The following GRID2 variants were observed in gnomAD, a reference collection of about 807,000 sequenced individuals.
GRID2 encodes the protein glutamate ionotropic receptor delta type subunit 2.
In GRID2, 33 loss-of-function variants were observed where a neutral mutation model predicts 114.8. That is an observed-to-expected ratio of 0.29 (90% CI 0.22 to 0.38). GRID2 has a LOEUF of 0.38. GRID2 is among the 10% of genes least tolerant of loss of function. GRID2 has a pLI of 1.00. For missense variants in GRID2, 1,184 were observed against 1,257.7 expected (o/e 0.94, Z 0.89); for synonymous variants, 505 against 449.9 (o/e 1.12, Z -1.55).
At chr4:93,291,152 C>T (rs945197871) in intron 8 of GRID2, among the ~76,000 whole-genome samples, 2 of 152,016 alleles carry the variant, frequency 1.3e-5, no homozygotes, top group South Asian at 2.1e-4. Flanking sequence ...GGGTTATAGG[C>T]GTAAGCCACC....
chr4:93,058,054 A>G lies in GRID2; in HGVS notation c.245-26941A>G, dbSNP rs1022675555. Among the ~76,000 whole-genome samples, 6 of 150,598 alleles carry G rather than the reference A, an allele frequency of 4.0e-5. No homozygotes were observed. In the East Asian group the frequency reaches 5.9e-4, roughly 15 times the overall value. ...CAGTTTTATTCTTCAATTTTCCCCA[A>G]AATAAAGAAGGATGTTAGTGTGCTT... On this transcript the variant is annotated intron_variant, in intron 2 of 15. Coordinates refer to ENST00000282020, the MANE Select transcript of GRID2 (RefSeq NM_001510.4).
chr4:92,560,584 A>G (rs1371886255), intron 1 of GRID2, among the ~76,000 whole-genome samples: 1 of 152,070 alleles, frequency 6.6e-6, no homozygotes, highest in African/African-American at 2.4e-5. Context: ...ATTGGTCATT[A>G]CCACTGCTGT....
intron 2 of GRID2, among the ~76,000 whole-genome samples, chr4:92,716,533 C>T (rs1411075516): frequency 6.6e-6 from 1 of 152,152 alleles, no homozygotes; most frequent in African/African-American, 2.4e-5. Flanking sequence ...CCTCACTTCC[C>T]CTAATCTCTT....
intron 2 of GRID2, among the ~76,000 whole-genome samples, chr4:92,991,691 G>T (rs1049852533): frequency 6.6e-6 from 1 of 151,986 alleles, no homozygotes; most frequent in Non-Finnish European, 1.5e-5. Context: ...GGATTTTATC[G>T]CTTGCCAAAC....
intron 14 of GRID2, among the ~76,000 whole-genome samples, chr4:93,735,415 T>C (rs1730843408): frequency 6.6e-6 from 1 of 152,010 alleles, no homozygotes; most frequent in Non-Finnish European, 1.5e-5. Context: ...CACATGTAAT[T>C]TTATTTTTTT....
chr4:93,741,176 T>TATATATATATATATATATATATAC (rs1731355247), intron 14 of GRID2, among the ~76,000 whole-genome samples: 14 of 23,422 alleles, frequency 6.0e-4, no homozygotes, highest in Non-Finnish European at 9.1e-4. Flanking sequence ...TATATATACA[T>TATATATATATATATATATATATAC]ATATATATAT....
chr4:92,656,909 A>C (rs1397012172), intron 2 of GRID2, among the ~76,000 whole-genome samples: 1 of 151,786 alleles, frequency 6.6e-6, no homozygotes, highest in Admixed American at 6.6e-5. Context: ...ACATTATGTC[A>C]AAATATGTTC....
chr4:92,347,502 C>T (rs758937224), intron 1 of GRID2, among the ~76,000 whole-genome samples: 3 of 152,124 alleles, frequency 2.0e-5, no homozygotes, highest in Non-Finnish European at 4.4e-5. Context: ...ATGAATAATA[C>T]TTGGCTTGAA....
intron 14 of GRID2, among the ~76,000 whole-genome samples, chr4:93,677,313 G>GGCCT (rs536021203): frequency 0.029 from 4,468 of 151,996 alleles, 100 homozygotes; most frequent in African/African-American, 0.059. Context: ...AGCTCAAGGA[G>GGCCT]GCCTGCCTGC....
At chr4:92,883,973 A>G (rs1746194728) in intron 2 of GRID2, among the ~76,000 whole-genome samples, 1 of 152,172 alleles carries the variant, frequency 6.6e-6, no homozygotes, top group Non-Finnish European at 1.5e-5. Flanking sequence ...CTTCTTTGCA[A>G]GTTTGAAGCC....
chr4:93,764,639 G>A lies in GRID2; in HGVS notation c.2361-4571G>A, dbSNP rs989625051. 3.3e-5 allele frequency among the ~76,000 whole-genome samples: 5 copies of A among 152,080 alleles called. 1 individual carries two copies. In the South Asian group the frequency reaches 1.0e-3, roughly 32 times the overall value. ...TATGCATCACCATGGTGTAAAAATA[G>A]CAGGAATTTTTCTGACTATACTCCA... On this transcript the variant is annotated intron_variant, in intron 14 of 15. Coordinates refer to ENST00000282020, the MANE Select transcript of GRID2 (RefSeq NM_001510.4).
chr4:93,150,898 G>C (rs570080298), intron 4 of GRID2, among the ~76,000 whole-genome samples: 21 of 152,004 alleles, frequency 1.4e-4, no homozygotes, highest in African/African-American at 5.1e-4. Flanking sequence ...AGGCTGAGGT[G>C]GGAGGATCAC....
intron 2 of GRID2, among the ~76,000 whole-genome samples, chr4:92,818,924 A>G (rs1186180079): frequency 2.0e-5 from 3 of 152,062 alleles, no homozygotes; most frequent in Non-Finnish European, 4.4e-5. Context: ...CTTCACAATA[A>G]TTCTATAGCA....
At position 92,852,077 on chromosome 4, in the gene GRID2, A is replaced by G. The variant is rs61541728; in HGVS notation, c.245-232918A>G. ...TTTAAGTTGCATTAAAAACATTATT[A>G]AAGTATTCATTACAGGCACAATGAT... On this transcript the variant is annotated intron_variant, in intron 2 of 15. Coordinates refer to ENST00000282020, the MANE Select transcript of GRID2 (RefSeq NM_001510.4). Among the ~76,000 whole-genome samples the G allele has an allele frequency of 1.7e-3, 266 of 152,002 alleles. 1 individual carries two copies. Among genetic ancestry groups the G allele is most frequent in the Admixed American group, 4.7e-3 (71 of 15,202 alleles).
chr4:92,687,427 C>T (rs1733963716), intron 2 of GRID2, among the ~76,000 whole-genome samples: 1 of 152,120 alleles, frequency 6.6e-6, no homozygotes. Flanking sequence ...AATTCACACA[C>T]TGTTTTTAGC....
intron 4 of GRID2, among the ~76,000 whole-genome samples, chr4:93,121,014 G>A (rs925026402): frequency 2.0e-5 from 3 of 152,018 alleles, no homozygotes; most frequent in Admixed American, 2.0e-4. Context: ...GTTGATAAGT[G>A]CAGCAAACCA....
chr4:93,675,801 A>G (rs1236427961), intron 14 of GRID2, among the ~76,000 whole-genome samples: 2 of 152,200 alleles, frequency 1.3e-5, no homozygotes, highest in Non-Finnish European at 2.9e-5. Context: ...CATAGAATAT[A>G]TATGTTATTT....
At chr4:93,237,699 C>A (rs937678145) in intron 7 of GRID2, among the ~76,000 whole-genome samples, 1 of 151,740 alleles carries the variant, frequency 6.6e-6, no homozygotes, top group Non-Finnish European at 1.5e-5. Context: ...AGAAGTATGA[C>A]CTACATTGCC....
chr4:93,437,214 G>A (rs577559675), intron 10 of GRID2, among the ~76,000 whole-genome samples: 2 of 152,164 alleles, frequency 1.3e-5, no homozygotes, highest in Admixed American at 6.5e-5. Context: ...TTACCTCTCA[G>A]TACTCACAAT....
Sources: allele counts gnomAD v4.1 joint callset (sites outside exome capture counted in the v4.1 genomes callset), GRCh38; gene constraint gnomAD v4.1.1; transcripts MANE v1.5; gene names NCBI Gene and HGNC (gene_info 2026-07-23, HGNC 2026-07-21).